SH3KBP1: variants seen among roughly 807,000 people sequenced by gnomAD.
The protein encoded by SH3KBP1 is SH3 domain-containing kinase-binding protein 1.
Under a neutral mutation model 50.1 loss-of-function variants are expected in SH3KBP1, and 8 were observed. That is an observed-to-expected ratio of 0.16 (90% CI 0.09 to 0.29). The LOEUF (loss-of-function observed/expected upper bound fraction) is 0.29. SH3KBP1 is among the 10% of genes least tolerant of loss of function. SH3KBP1 has a pLI of 1.00. For synonymous variants in SH3KBP1, 227 were observed against 218.6 expected, an observed-to-expected ratio of 1.04 and a Z score of -0.34; for missense variants, 377 against 535.2, an observed-to-expected ratio of 0.70 and a Z score of 2.92.
chrX:19,731,158 C>T (rs1355535470), intron 3 of SH3KBP1, among the ~76,000 whole-genome samples: 1 of 111,606 alleles, frequency 9.0e-6, no homozygotes, highest in Non-Finnish European at 1.9e-5. Context: ...AGGCTGATCT[C>T]GAACTCCTGA....
At chrX:19,581,631 G>A (rs764791309) in intron 12 of SH3KBP1, among the ~76,000 whole-genome samples, 1 of 111,192 alleles carries the variant, frequency 9.0e-6, no homozygotes, top group South Asian at 3.8e-4. Flanking sequence ...TAACCCCAAG[G>A]TCTTAAGCCA....
chrX:19,596,577 T>A (rs1321340540), intron 9 of SH3KBP1, among the ~76,000 whole-genome samples: 1 of 111,893 alleles, frequency 8.9e-6, no homozygotes, highest in Non-Finnish European at 1.9e-5. Flanking sequence ...TTTTTCTGTA[T>A]CATGCGATGC....
At chrX:19,764,633 CA>C (rs755382626) in intron 2 of SH3KBP1, among the ~76,000 whole-genome samples, 4 of 111,471 alleles carry the variant, frequency 3.6e-5, no homozygotes, top group Admixed American at 1.9e-4. Flanking sequence ...GACACAGCAT[CA>C]GGGGAACAGA....
chrX:19,641,343 C>G (rs1042774786), intron 7 of SH3KBP1, among the ~76,000 whole-genome samples: 2 of 112,162 alleles, frequency 1.8e-5, no homozygotes, highest in Non-Finnish European at 3.8e-5. Flanking sequence ...TGTTTTTTCC[C>G]CTAGCAGAGA....
At chrX:19,569,061 A>G (rs779859181) in intron 13 of SH3KBP1, 42 bp downstream of exon 13, 4 of 1,106,324 alleles carry the variant, frequency 3.6e-6, no homozygotes, top group Non-Finnish European at 5.0e-6. Context: ...GAGGTTCTTT[A>G]CTAACTCTGC....
intron 12 of SH3KBP1, among the ~76,000 whole-genome samples, chrX:19,576,528 T>A (rs1466884604): frequency 9.0e-6 from 1 of 111,454 alleles, no homozygotes; most frequent in Non-Finnish European, 1.9e-5. Context: ...TAGCCTCGAA[T>A]TCCTGGACTC....
intron 6 of SH3KBP1, among the ~76,000 whole-genome samples, chrX:19,667,959 A>G (rs1467700768): frequency 1.8e-5 from 2 of 109,750 alleles, no homozygotes. Flanking sequence ...AGAAACAACG[A>G]TGGATTTACA....
rs745680564 is a variant in SH3KBP1 at position 19,589,853 on chromosome X, C to T, written c.1139-1051G>A. Among the ~76,000 whole-genome samples the T allele has an allele frequency of 2.1e-4, 23 of 108,943 alleles. No homozygotes were observed. The South Asian group carries it at 8.4e-3, about 40-fold the overall frequency. 94.6% of individuals were successfully genotyped at this position (108,943 alleles called of 115,157 possible). On this transcript the variant is annotated intron_variant, in intron 11 of 17. Transcript: ENST00000397821. Reference sequence around the variant, plus strand: ...AACCCATCAGGGCTGGGCGCGGTGGCTCACATCTGTAATCTCAGAGCTTTG... The same window carrying T: ...AACCCATCAGGGCTGGGCGCGGTGGTTCACATCTGTAATCTCAGAGCTTTG...
chrX:19,798,121 A>G (rs903117602), intron 2 of SH3KBP1, among the ~76,000 whole-genome samples: 7 of 111,075 alleles, frequency 6.3e-5, no homozygotes, highest in African/African-American at 2.3e-4. Context: ...TCTCACTCCT[A>G]TCACCCAGGC....
At chrX:19,861,145 G>A (rs2068764844) in intron 1 of SH3KBP1, among the ~76,000 whole-genome samples, 1 of 111,348 alleles carries the variant, frequency 9.0e-6, no homozygotes. Context: ...GAGAGGCCAA[G>A]GCGGGTAGAT....
rs1466921312 is a variant in SH3KBP1, at chrX:19,785,465, T to C, written c.163-39024A>G. On this transcript the variant is annotated intron_variant, in intron 2 of 17. Transcript: ENST00000397821. The stretch of plus-strand genomic sequence containing the variant: ...ATCACTTGAGCCAGAGAGGCGGAGA[T>C]TGCAGTGAGCCAAGATTGCGCCACT... 3.6e-5 allele frequency among the ~76,000 whole-genome samples: 4 copies of C among 110,594 alleles called. 1 individual carries two copies. The highest frequency in any genetic ancestry group is 1.9e-4 in the Admixed American group (2 of 10,378).
At chrX:19,674,076 C>T (rs763259868) in intron 6 of SH3KBP1, among the ~76,000 whole-genome samples, 11 of 112,213 alleles carry the variant, frequency 9.8e-5, no homozygotes, top group Non-Finnish European at 1.7e-4. Context: ...TTTGGACATG[C>T]GTCTGCTAGT....
intron 1 of SH3KBP1, among the ~76,000 whole-genome samples, chrX:19,845,363 C>T (rs754610046): frequency 9.4e-6 from 1 of 106,510 alleles, no homozygotes; most frequent in South Asian, 4.2e-4. Context: ...CTGTAGTCCC[C>T]GCTACTCGGG....
intron 2 of SH3KBP1, among the ~76,000 whole-genome samples, chrX:19,804,882 A>ACCCCCCCCCCCCCCC (rs1171123464): frequency 5.8e-5 from 1 of 17,380 alleles, no homozygotes; most frequent in Non-Finnish European, 9.6e-5. Flanking sequence ...CCCAAACCCT[A>ACCCCCCCCCCCCCCC]CCCCCCCCCC....
chrX:19,755,452 G>A (rs952315918), intron 2 of SH3KBP1, among the ~76,000 whole-genome samples: 1 of 111,469 alleles, frequency 9.0e-6, no homozygotes, highest in African/African-American at 3.3e-5. Flanking sequence ...ATTCATCAAC[G>A]AAGACAAAAG....
intron 4 of SH3KBP1, among the ~76,000 whole-genome samples, chrX:19,698,774 A>G (rs755208010): frequency 8.9e-6 from 1 of 112,017 alleles, no homozygotes; most frequent in Non-Finnish European, 1.9e-5. Context: ...CTCTTCAGAG[A>G]TATTCTAGTT....
In SH3KBP1 at chrX:19,866,011, A is replaced by AAC. The variant is rs750473813; in HGVS notation, c.4+21294_4+21295dup. ...GAGGAAGAAAAGAATCCTGAAGCAA[A>AAC]ACACCAGGGACTGGTTCAAGCTAAC... On this transcript the variant is annotated intron_variant, in intron 1 of 17. Coordinates refer to ENST00000397821, the MANE Select transcript of SH3KBP1 (RefSeq NM_031892.3). Among the ~76,000 whole-genome samples the AAC allele has an allele frequency of 7.4e-3, 831 of 112,377 alleles. 12 individuals carry two copies. The highest frequency in any genetic ancestry group is 0.026 in the African/African-American group (788 of 30,896).
chrX:19,764,814 CT>C (rs762356814), intron 2 of SH3KBP1, among the ~76,000 whole-genome samples: 196 of 95,149 alleles, frequency 2.1e-3, no homozygotes, highest in Admixed American at 2.8e-3. Flanking sequence ...CGCTCCAACT[CT>C]TTTTTTTTTT....
At chrX:19,713,647 A>C (rs1252803285) in intron 3 of SH3KBP1, among the ~76,000 whole-genome samples, 1 of 111,635 alleles carries the variant, frequency 9.0e-6, no homozygotes. Flanking sequence ...TAGAATGTGT[A>C]GTGAACAAGG....
Sources: gnomAD v4.1 joint callset for allele counts (sites outside exome capture counted in the v4.1 genomes callset) on GRCh38, gnomAD v4.1.1 for gene constraint, MANE v1.5 for transcripts, NCBI Gene and HGNC (gene_info 2026-07-23, HGNC 2026-07-21) for gene names.